Variants in MRAP2 observed in about 807,000 individuals in gnomAD.
MRAP2 encodes melanocortin 2 receptor accessory protein 2, also known as melanocortin-2 receptor accessory protein 2.
A neutral mutation model predicts 17.4 loss-of-function variants in MRAP2; 20 were observed. The ratio of observed to expected loss-of-function variants is 1.15; its 90% CI spans 0.81 to 1.67. The LOEUF (loss-of-function observed/expected upper bound fraction) is 1.67, where lower values mean the gene tolerates loss of function less well. Among genes scored for constraint, MRAP2 ranks in the 40% most tolerant of loss-of-function variants. The pLI is 0.00. For synonymous variants in MRAP2, 96 were observed against 88.4 expected, an observed-to-expected ratio of 1.09 and a Z score of -0.48; for missense variants, 238 against 240.0, an observed-to-expected ratio of 0.99 and a Z score of 0.05.
At chr6:84,093,875 C>T (rs993895796), downstream of MRAP2, among the ~76,000 whole-genome samples, 6 of 152,134 alleles carry the variant, frequency 3.9e-5, no homozygotes, top group African/African-American at 7.2e-5. Context: ...CAGGAACTTG[C>T]GGTTAACAGC....
chr6:84,106,426 G>A, the MRAP2 span, among the ~76,000 whole-genome samples: 1 of 152,192 alleles, frequency 6.6e-6, no homozygotes, highest in Non-Finnish European at 1.5e-5. Context: ...CCACCAGGTA[G>A]CTGACTGATA....
At chr6:84,134,939 C>T in the MRAP2 span, among the ~76,000 whole-genome samples, 693 of 151,700 alleles carry the variant, frequency 4.6e-3, 9 homozygotes, top group African/African-American at 0.016. Context: ...CACACACACA[C>T]ACACACACAC....
chr6:84,103,791 C>A, the MRAP2 span, among the ~76,000 whole-genome samples: 3 of 152,190 alleles, frequency 2.0e-5, no homozygotes, highest in Admixed American at 1.3e-4. Context: ...AGATAGGAAC[C>A]ATTGGTACCA....
intron 1 of MRAP2, among the ~76,000 whole-genome samples, chr6:84,034,222 C>A (rs2099485340): frequency 6.6e-6 from 1 of 152,112 alleles, no homozygotes; most frequent in African/African-American, 2.4e-5. Context: ...GAGGCACACC[C>A]TTTCCCGCTG....
chr6:84,107,772 T>C, the MRAP2 span, among the ~76,000 whole-genome samples: 2 of 152,316 alleles, frequency 1.3e-5, no homozygotes, highest in Admixed American at 6.5e-5. Context: ...TATGGACAGG[T>C]GTGAAGAAAA....
At chr6:84,060,837 C>T (rs2099492956) in intron 2 of MRAP2, among the ~76,000 whole-genome samples, 3 of 151,212 alleles carry the variant, frequency 2.0e-5, no homozygotes, top group Admixed American at 2.0e-4. Flanking sequence ...AGGCGCCTGC[C>T]ACCACACCCG....
chr6:84,128,107 T>C, the MRAP2 span, among the ~76,000 whole-genome samples: 4 of 152,226 alleles, frequency 2.6e-5, no homozygotes, highest in African/African-American at 9.6e-5. Context: ...CACCCAGCGC[T>C]GCCCATGGCA....
chr6:84,042,284 T>G (rs1588621004), intron 1 of MRAP2, among the ~76,000 whole-genome samples: 1 of 152,334 alleles, frequency 6.6e-6, no homozygotes, highest in East Asian at 1.9e-4. Context: ...ATTAAACCTC[T>G]TTTCTTTATA....
the MRAP2 span, among the ~76,000 whole-genome samples, chr6:84,145,684 T>C: frequency 6.6e-6 from 1 of 152,130 alleles, no homozygotes; most frequent in African/African-American, 2.4e-5. Flanking sequence ...CACTAAAACA[T>C]TTAACTGCCC....
chr6:84,111,943 A>G, the MRAP2 span, among the ~76,000 whole-genome samples: 1 of 152,194 alleles, frequency 6.6e-6, no homozygotes, highest in Non-Finnish European at 1.5e-5. Context: ...CTTGCATCCC[A>G]GGGATGAAGC....
chr6:84,056,581 A>G (rs1401326185), intron 2 of MRAP2, among the ~76,000 whole-genome samples: 4 of 152,226 alleles, frequency 2.6e-5, no homozygotes, highest in African/African-American at 9.6e-5. Context: ...ATCTGAGAGA[A>G]GGCTGTTGGG....
chr6:84,062,664 A>G (rs1176018051), intron 2 of MRAP2: 13 of 985,430 alleles, frequency 1.3e-5, no homozygotes, highest in East Asian at 1.1e-4. Flanking sequence ...GCATGAGTCA[A>G]TGAGGCCTAA....
At chr6:84,050,908 G>T (rs1016333738) in intron 1 of MRAP2, among the ~76,000 whole-genome samples, 2 of 152,170 alleles carry the variant, frequency 1.3e-5, no homozygotes, top group African/African-American at 2.4e-5. Flanking sequence ...TGGATTTGTG[G>T]CACTGGCTGG....
chr6:84,117,332 C>CT, the MRAP2 span, among the ~76,000 whole-genome samples: 1 of 152,062 alleles, frequency 6.6e-6, no homozygotes, highest in Non-Finnish European at 1.5e-5. Context: ...CTGAAGTTTC[C>CT]TTTTTTTATT....
At chr6:84,139,160 T>C in the MRAP2 span, among the ~76,000 whole-genome samples, 3 of 152,160 alleles carry the variant, frequency 2.0e-5, no homozygotes, top group African/African-American at 7.2e-5. Context: ...AAGTAGGAAA[T>C]ACATTTTCCT....
chr6:84,126,300 G>A, the MRAP2 span: 2 of 1,049,716 alleles, frequency 1.9e-6, no homozygotes, highest in Non-Finnish European at 2.6e-6. Context: ...ATTTTTGCTA[G>A]GGATGACAAA....
intron 3 of MRAP2, among the ~76,000 whole-genome samples, chr6:84,085,546 C>T (rs2099500215): frequency 6.6e-6 from 1 of 152,154 alleles, no homozygotes; most frequent in African/African-American, 2.4e-5. Context: ...GCATCCACCA[C>T]TTAGGATGTT....
At chr6:84,107,864 A>T in the MRAP2 span, among the ~76,000 whole-genome samples, 1 of 152,266 alleles carries the variant, frequency 6.6e-6, no homozygotes, top group Admixed American at 6.5e-5. Flanking sequence ...CATGTGGTAC[A>T]GTAGCTGAAT....
At chr6:84,040,600 G>A (rs2099487289) in intron 1 of MRAP2, among the ~76,000 whole-genome samples, 1 of 152,206 alleles carries the variant, frequency 6.6e-6, no homozygotes, top group Admixed American at 6.5e-5. Flanking sequence ...GAATGGCTTT[G>A]ACCAAATACT....
Sources: gnomAD v4.1 joint callset for allele counts (sites outside exome capture counted in the v4.1 genomes callset) on GRCh38, gnomAD v4.1.1 for gene constraint, MANE v1.5 for transcripts, NCBI Gene and HGNC (gene_info 2026-07-23, HGNC 2026-07-21) for gene names.